The following SSC5D variants were observed in gnomAD, a reference collection of about 807,000 sequenced individuals.
SSC5D encodes scavenger receptor cysteine rich family member with 5 domains, also known as soluble scavenger receptor cysteine-rich domain-containing protein SSC5D.
A neutral mutation model predicts 104.6 loss-of-function variants in SSC5D; 106 were observed. That is an observed-to-expected ratio of 1.01 (90% CI 0.87 to 1.19). SSC5D has a LOEUF of 1.19. SSC5D is among the 50% of genes most tolerant of loss of function. SSC5D has a pLI of 0.00. For missense variants in SSC5D, 1,993 were observed against 2,153.8 expected (o/e 0.93, Z 1.48); for synonymous variants, 860 against 883.5 (o/e 0.97, Z 0.47).
At chr19:55,497,831 G>A in intron 8 of SSC5D, 49 bp from the exon 9 acceptor site, 21 of 1,470,280 alleles carry the variant, frequency 1.4e-5, no homozygotes, top group Non-Finnish European at 1.9e-5. Context: ...AGAGTCAGGA[G>A]GCTGGGCGGC....
At position 55,489,896 on chromosome 19, in the gene SSC5D, A is replaced by C; in HGVS notation, c.376A>C (p.Asn126His). ...CCCCGCCGCAGGTCAGCGTGTGGCT[A>C]ACTCCAGGGACGACTCAACATCTCC... ...GVVCAGQRVANSRDDSTSPLD... is the reference protein window; with the variant it reads ...GVVCAGQRVAHSRDDSTSPLD... Residue 126 changes from asparagine (N) to histidine (H), a missense_variant, in exon 4 of 14, where the codon AAC becomes CAC. By Grantham distance (68) the Asn-to-His change is moderately conservative (BLOSUM62 1). Coordinates refer to ENST00000389623, the MANE Select transcript of SSC5D (RefSeq NM_001144950.2). 1 of 1,549,150 alleles carries C rather than the reference A, an allele frequency of 6.5e-7. No homozygotes were observed. The highest frequency in any genetic ancestry group is 1.2e-5 in the South Asian group (1 of 83,968).
intron 12 of SSC5D, chr19:55,504,216 G>T: frequency 1.3e-6 from 2 of 1,532,910 alleles, no homozygotes; most frequent in Non-Finnish European, 1.7e-6. Flanking sequence ...GTGGAGGCGG[G>T]CACGTGCCGG....
chr19:55,501,111 A>ACAG lies in SSC5D; in HGVS notation c.2697_2699dup (p.Ala900dup), dbSNP rs1451750564. On this transcript the variant is annotated inframe_insertion, in exon 12 of 14. Coordinates refer to ENST00000389623, the MANE Select transcript of SSC5D (RefSeq NM_001144950.2). ...AGAGGACCTGGCCAAGGGGACTACC[A>ACAG]CAGCGGGGGTACCTGGACACACTCT... 4.8e-5 allele frequency: 74 copies of ACAG among 1,551,548 alleles called. No individual in the cohort carries two copies. Among genetic ancestry groups the ACAG allele is most frequent in the Non-Finnish European group, 6.3e-5 (72 of 1,146,946 alleles).
Position 55,499,971 on chromosome 19 carries a change from C to G in SSC5D, c.1861C>G (p.Pro621Ala). The G allele has an allele frequency of 6.4e-7, 1 of 1,551,922 alleles. No homozygotes were observed. The highest frequency in any genetic ancestry group is 8.7e-7 in the Non-Finnish European group (1 of 1,147,050). ...TCTGGAGAAAACAACCACGAAGGCC[C>G]CAGGGAAAATGCCTAAGAGTACTAA... is the stretch of plus-strand genomic sequence containing the variant. ...SVLEKTTTKA[P>A]GKMPKSTKKW... The change falls in exon 10 of 14, where the codon CCA (proline) becomes GCA (alanine). Residue 621 changes from proline to alanine, a missense_variant. Pro to Ala is a conservative substitution (Grantham distance 27). Around this residue, in one of 6 missense-constraint regions of SSC5D, gnomAD observed 1,101 missense variants for 1,085.0 expected, o/e 1.01. Coordinates refer to ENST00000389623, the MANE Select transcript of SSC5D (RefSeq NM_001144950.2).
At chr19:55,489,231 A>G (rs1987055254) in intron 2 of SSC5D, 123 bp from the exon 3 acceptor site, 2 of 1,186,724 alleles carry the variant, frequency 1.7e-6, no homozygotes, top group Non-Finnish European at 2.2e-6. Context: ...CCCAGGGGCC[A>G]GTGAGCAGGG....
chr19:55,491,395 G>T, intron 6 of SSC5D: 1 of 333,226 alleles, frequency 3.0e-6, no homozygotes. Flanking sequence ...CCTGCCTCAG[G>T]CTTGAGCCAA....
chr19:55,489,053 C>G, intron 2 of SSC5D, 21 bp downstream of exon 2: 1 of 1,387,462 alleles, frequency 7.2e-7, no homozygotes. Flanking sequence ...AGACTCCTCC[C>G]ATCTGCCCGC....
intron 8 of SSC5D, 144 bp from the exon 9 acceptor site, chr19:55,497,736 C>A: frequency 2.5e-6 from 2 of 812,980 alleles, no homozygotes; most frequent in Admixed American, 3.1e-5. Flanking sequence ...GAAATACTTG[C>A]TGCCTGGAGG....
intron 6 of SSC5D, 112 bp from the exon 7 acceptor site, chr19:55,493,483 G>A (rs2123432550): frequency 1.0e-6 from 1 of 959,126 alleles, no homozygotes; most frequent in Non-Finnish European, 1.4e-6. Flanking sequence ...TAGTGAAGAT[G>A]GAATATTTGC....
Position 55,500,289 on chromosome 19 carries a change from G to C in SSC5D, c.2179G>C (p.Glu727Gln). The change falls in exon 10 of 14, where the codon GAG (glutamate) becomes CAG (glutamine). Residue 727 changes from glutamate (E) to glutamine (Q), a missense_variant. Around this residue, in one of 6 missense-constraint regions of SSC5D, gnomAD observed 1,101 missense variants for 1,085.0 expected, o/e 1.01. Coordinates refer to ENST00000389623, the MANE Select transcript of SSC5D (RefSeq NM_001144950.2). The surrounding 1 kb of genome is among the most constrained non-coding windows in gnomAD (Gnocchi z 4.6). ...TCAAGGCCCCCAAGAAATGACCTCT[G>C]AGTCCACTATCAAGAGTATCCCTCA... is the stretch of plus-strand genomic sequence containing the variant. ...TTQGPQEMTS[E>Q]STIKSIPQAS... is the part of the protein sequence containing the mutation. The C allele has an allele frequency of 1.9e-6, 3 of 1,551,232 alleles. No individual in the cohort carries two copies. Among genetic ancestry groups the C allele is most frequent in the South Asian group, 1.2e-5 (1 of 84,036 alleles).
At chr19:55,488,712 T>C in intron 1 of SSC5D, 98 bp downstream of exon 1, 1 of 1,084,500 alleles carries the variant, frequency 9.2e-7, no homozygotes, top group Non-Finnish European at 1.4e-6. Context: ...CCGGGACTGG[T>C]CGCTGGTGCT....
In SSC5D at chr19:55,497,957, G is replaced by C; in HGVS notation, c.1465G>C (p.Gly489Arg). ...RLEVWHDQRW[G>R]TVCDDSWDMR... Reference sequence around the variant, plus strand: ...GGAGGTGTGGCATGACCAGCGCTGGGGGACCGTGTGTGACGATAGCTGGGA... The same window carrying C: ...GGAGGTGTGGCATGACCAGCGCTGGCGGACCGTGTGTGACGATAGCTGGGA... The change falls in exon 9 of 14, where the codon GGG becomes CGG. Residue 489 changes from glycine (G) to arginine (R), a missense_variant. Physicochemically the swap from Gly to Arg is moderately radical, Grantham distance 125. Around this residue, in one of 6 missense-constraint regions of SSC5D, gnomAD observed 1,101 missense variants for 1,085.0 expected, o/e 1.01. Coordinates refer to ENST00000389623, the MANE Select transcript of SSC5D (RefSeq NM_001144950.2). 1 of 1,551,870 alleles carries C rather than the reference G, an allele frequency of 6.4e-7. No individual in the cohort carries two copies. The highest frequency in any genetic ancestry group is 8.7e-7 in the Non-Finnish European group (1 of 1,147,028).
chr19:55,489,053 C>T, intron 2 of SSC5D, 21 bp downstream of exon 2: 2 of 1,387,458 alleles, frequency 1.4e-6, no homozygotes, highest in Non-Finnish European at 1.9e-6. Context: ...AGACTCCTCC[C>T]ATCTGCCCGC....
chr19:55,489,373 T>C lies in SSC5D; in HGVS notation c.72T>C (p.Asp24=), dbSNP rs777921917. ...IQAVERLRLA[D]GPHGCAGRLE... is the part of the protein sequence containing the mutation. ...CCTCAGAGCGCCTGCGCCTGGCCGA[T>C]GGCCCCCATGGGTGCGCTGGCCGCC... Residue 24 remains aspartate, a synonymous_variant, in exon 3 of 14, where the codon GAT becomes GAC. Transcript: ENST00000389623. 2 of 1,464,124 alleles carry C rather than the reference T, an allele frequency of 1.4e-6. No individual in the cohort carries two copies. The highest frequency in any genetic ancestry group is 2.7e-5 in the East Asian group (1 of 37,510). 90.7% of individuals were successfully genotyped at this position (1,464,124 alleles called of 1,614,324 possible). A position where few individuals can be genotyped will look rare whatever the true frequency, so the allele number is the denominator to read the frequency against.
At chr19:55,490,047 C>T (rs1987088673) in intron 4 of SSC5D, 52 bp downstream of exon 4, 1 of 1,314,110 alleles carries the variant, frequency 7.6e-7, no homozygotes, top group Non-Finnish European at 1.0e-6. Flanking sequence ...CCCTCCTGCC[C>T]CCCCCGAGGG....
rs112144196 is a variant in SSC5D at position 55,503,723 on chromosome 19, G to A, written c.2785+2522G>A. Among the ~76,000 whole-genome samples, 3,875 of 152,192 alleles carry A rather than the reference G, an allele frequency of 0.025. 156 individuals carry two copies. The highest frequency in any genetic ancestry group is 0.087 in the African/African-American group (3,599 of 41,496). On this transcript the variant is annotated intron_variant, in intron 12 of 13. Coordinates refer to ENST00000389623, the MANE Select transcript of SSC5D (RefSeq NM_001144950.2). This position sits in a 1 kb window ranked among gnomAD's most constrained non-coding sequence, Gnocchi z 4.0. ...GCCGTCTGGGGCTGCCTGGGTTTCT[G>A]CCTCTGTCGCCCCGCGCCCCGTACC...
chr19:55,518,753 C>T lies in SSC5D; in HGVS notation c.4477C>T (p.Leu1493=). 1.3e-6 allele frequency: 2 copies of T among 1,550,864 alleles called. No individual in the cohort carries two copies. Among genetic ancestry groups the T allele is most frequent in the Non-Finnish European group, 1.7e-6 (2 of 1,146,916 alleles). The part of the protein sequence containing the change: ...MACEPPALVE[L]VAAVRDVGGQ... ...TTGTGAGCCACCTGCCCTGGTGGAG[C>T]TGGTGGCTGCTGTGAGGGATGTGGG... Residue 1493 remains leucine (L), a synonymous_variant, in exon 14 of 14, where the codon CTG becomes TTG. Transcript: ENST00000389623.
Position 55,518,722 on chromosome 19 carries a change from C to A in SSC5D, c.4446C>A (p.Val1482=). The A allele has an allele frequency of 6.4e-7, 1 of 1,551,050 alleles. No individual in the cohort carries two copies. The highest frequency in any genetic ancestry group is 2.0e-5 in the Admixed American group (1 of 50,992). The part of the protein sequence containing the change: ...PCVAPTPPVR[V]MACEPPALVE... Reference sequence around the variant, plus strand: ...TGGCCCCAACACCACCTGTAAGGGTCATGGCTTGTGAGCCACCTGCCCTGG... The same window carrying A: ...TGGCCCCAACACCACCTGTAAGGGTAATGGCTTGTGAGCCACCTGCCCTGG... Residue 1482 remains valine, a synonymous_variant, in exon 14 of 14, where the codon GTC becomes GTA. Transcript: ENST00000389623.
Position 55,500,163 on chromosome 19 carries a change from A to G in SSC5D, c.2053A>G (p.Thr685Ala). The change falls in exon 10 of 14, where the codon ACC (threonine) becomes GCC (alanine). Residue 685 changes from threonine to alanine, a missense_variant. By Grantham distance (58) the Thr-to-Ala change is moderately conservative (BLOSUM62 0). Coordinates refer to ENST00000389623, the MANE Select transcript of SSC5D (RefSeq NM_001144950.2). This position sits in a 1 kb window ranked among gnomAD's most constrained non-coding sequence, Gnocchi z 4.6. Reference protein sequence around the residue: ...RPTSEFTRRPTTEAPQRWTSH... With the variant: ...RPTSEFTRRPATEAPQRWTSH... ...TACCTCTGAGTTTACCAGAAGGCCG[A>G]CCACGGAGGCCCCCCAGAGATGGAC... is the stretch of plus-strand genomic sequence containing the variant. 1.3e-6 allele frequency: 2 copies of G among 1,551,240 alleles called. No homozygotes were observed. The highest frequency in any genetic ancestry group is 1.7e-4 in the Middle Eastern group (1 of 5,990).
Sources: gnomAD v4.1 joint callset for allele counts (sites outside exome capture counted in the v4.1 genomes callset) on GRCh38, gnomAD v4.1.1 for gene constraint, gnomAD v4.1.1 regional missense constraint, Gnocchi (gnomAD v3.1) non-coding constraint, MANE v1.5 for transcripts, NCBI Gene and HGNC (gene_info 2026-07-23, HGNC 2026-07-21) for gene names.